The following MARVELD2 variants were observed in gnomAD, a reference collection of about 807,000 sequenced individuals.
The protein encoded by MARVELD2 is MARVEL domain-containing protein 2.
Under a neutral mutation model 57.6 loss-of-function variants are expected in MARVELD2, and 49 were observed. The ratio of observed to expected loss-of-function variants is 0.85; its 90% confidence interval spans 0.68 to 1.08. The LOEUF (loss-of-function observed/expected upper bound fraction) is 1.08, where lower values mean the gene tolerates loss of function less well. Ranked by LOEUF, MARVELD2 falls within the 50% of genes least tolerant of loss-of-function variation. The pLI, the probability that MARVELD2 is intolerant of heterozygous loss-of-function variation, is 0.00. For missense variants in MARVELD2, 606 were observed against 701.1 expected (o/e 0.86, Z 1.53); for synonymous variants, 238 against 258.8 (o/e 0.92, Z 0.77).
At chr5:69,427,515 A>C (rs1292658311) in intron 3 of MARVELD2, among the ~76,000 whole-genome samples, 1 of 152,006 alleles carries the variant, frequency 6.6e-6, no homozygotes, top group Non-Finnish European at 1.5e-5. Context: ...GGTTCAAGCA[A>C]TTGTCCTGCC....
In MARVELD2 at chr5:69,420,168, A is replaced by C. The variant is rs751921175; in HGVS notation, c.783A>C (p.Gly261=). 1.2e-6 allele frequency: 2 copies of C among 1,614,138 alleles called. No homozygotes were observed. The highest frequency in any genetic ancestry group is 2.2e-5 in the South Asian group (2 of 91,072). ...CCCCTTTTGTACTCGTGGTTGCTGG[A>C]TTAGCTTGGATCACCACCATTATTA... The part of the protein sequence containing the change: ...PKTPFVLVVA[G]LAWITTIIIL... The change falls in exon 2 of 7, where the codon GGA becomes GGC. Residue 261 remains glycine (G), a synonymous_variant. Transcript: ENST00000325631.
chr5:69,442,243 C>T lies in MARVELD2; in HGVS notation c.*589C>T, dbSNP rs1167805666. The T allele has an allele frequency of 6.6e-6, 1 of 152,136 alleles. No individual in the cohort carries two copies. The highest frequency in any genetic ancestry group is 2.4e-5 in the African/African-American group (1 of 41,416). The allele number at this position is 152,136 out of a possible 1,614,324, so 9.4% of individuals were successfully genotyped here. A position where few individuals can be genotyped will look rare whatever the true frequency, so the allele number is the denominator to read the frequency against. ...TGGTGCTACTTTTTCCTTTTTTACT[C>T]AGGCAGGTTCCTAGGATTTTTCTGG... On this transcript the variant is annotated 3_prime_UTR_variant, in exon 7 of 7. Transcript: ENST00000325631.
chr5:69,419,290 T>C, intron 1 of MARVELD2, 81 bp from the exon 2 acceptor site: 1 of 1,380,934 alleles, frequency 7.2e-7, no homozygotes, highest in South Asian at 1.2e-5. Flanking sequence ...CTAAATACTT[T>C]TTGCTACTAC....
chr5:69,419,692 G>T lies in MARVELD2; in HGVS notation c.307G>T (p.Val103Leu). 1 of 1,614,140 alleles carries T rather than the reference G, an allele frequency of 6.2e-7. No homozygotes were observed. The highest frequency in any genetic ancestry group is 8.5e-7 in the Non-Finnish European group (1 of 1,180,036). The part of the protein sequence containing the change: ...KKKDPEWDKP[V>L]SDIRYISDGV... ...AAAGGACCCCGAATGGGATAAGCCGGTGTCTGATATCAGGTACATCTCCGA... is the reference window on the plus strand; with the variant it reads ...AAAGGACCCCGAATGGGATAAGCCGTTGTCTGATATCAGGTACATCTCCGA... Residue 103 changes from valine (V) to leucine (L), a missense_variant, in exon 2 of 7, where the codon GTG becomes TTG. Coordinates refer to ENST00000325631, the MANE Select transcript of MARVELD2 (RefSeq NM_001038603.3).
intron 1 of MARVELD2, chr5:69,415,435 C>T (rs1432089745): frequency 1.6e-4 from 24 of 152,188 alleles, no homozygotes; most frequent in Admixed American, 1.6e-3. Flanking sequence ...CCTGGGAGGT[C>T]TCCCGGCTTA....
In MARVELD2 at chr5:69,419,969, T is replaced by C. The variant is rs1354330857; in HGVS notation, c.584T>C (p.Ile195Thr). ...YMKSWAGLLR[I>T]LGVVELLLGA... Reference sequence around the variant, plus strand: ...AAGTCGTGGGCAGGCCTGCTGAGAATACTGGGTGTGGTGGAGCTGCTTTTG... The same window carrying C: ...AAGTCGTGGGCAGGCCTGCTGAGAACACTGGGTGTGGTGGAGCTGCTTTTG... The change falls in exon 2 of 7, where the codon ATA (isoleucine) becomes ACA (threonine). Residue 195 changes from isoleucine (I) to threonine (T), a missense_variant. By Grantham distance (89) the Ile-to-Thr change is moderately conservative. Coordinates refer to ENST00000325631, the MANE Select transcript of MARVELD2 (RefSeq NM_001038603.3). 1 of 1,614,036 alleles carries C rather than the reference T, an allele frequency of 6.2e-7. No individual in the cohort carries two copies. The highest frequency in any genetic ancestry group is 2.2e-5 in the East Asian group (1 of 44,894).
At chr5:69,425,000 G>A (rs768132290) in intron 3 of MARVELD2, among the ~76,000 whole-genome samples, 35 of 150,314 alleles carry the variant, frequency 2.3e-4, no homozygotes, top group Non-Finnish European at 4.4e-4. Flanking sequence ...ACTCCAGCCT[G>A]GGTGACAGAG....
At chr5:69,440,644 C>T in intron 6 of MARVELD2, 144 bp downstream of exon 6, 3 of 601,354 alleles carry the variant, frequency 5.0e-6, no homozygotes, top group Non-Finnish European at 9.2e-6. Context: ...TGCTGGATGC[C>T]ATTTCTTCTC....
rs772209957 is a variant in MARVELD2 at position 69,419,442 on chromosome 5, C to T, written c.57C>T (p.Ser19=). 28 of 1,614,022 alleles carry T rather than the reference C, an allele frequency of 1.7e-5. No individual in the cohort carries two copies. The highest frequency in any genetic ancestry group is 6.7e-5 in the Admixed American group (4 of 59,982). ...NRDRRYDEVP[S]DLPYQDTTIR... is the part of the protein sequence containing the mutation. Reference sequence around the variant, plus strand: ...ACAGGCGCTACGATGAGGTCCCAAGCGACCTGCCCTATCAAGATACCACCA... The same window carrying T: ...ACAGGCGCTACGATGAGGTCCCAAGTGACCTGCCCTATCAAGATACCACCA... Residue 19 remains serine, a synonymous_variant, in exon 2 of 7, where the codon AGC becomes AGT. Transcript: ENST00000325631.
At position 69,432,963 on chromosome 5, in the gene MARVELD2, A is replaced by C. The variant is rs1767012320; in HGVS notation, c.1373A>C (p.Tyr458Ser). Residue 458 changes from tyrosine to serine, a missense_variant, in exon 5 of 7, where the codon TAT becomes TCT. Tyr to Ser is a moderately radical substitution (Grantham distance 144). Transcript: ENST00000325631. The part of the protein sequence containing the change: ...VIQTDDERER[Y>S]KAVFQDQFSE... ...CAGACAGATGATGAGCGAGAACGCT[A>C]TAAAGCTGTGTTCCAAGACCAGTTT... The C allele has an allele frequency of 1.2e-6, 2 of 1,614,078 alleles. No homozygotes were observed. Among genetic ancestry groups the C allele is most frequent in the Non-Finnish European group, 8.5e-7 (1 of 1,180,046 alleles).
At chr5:69,435,561 CT>C (rs1767106948) in intron 5 of MARVELD2, among the ~76,000 whole-genome samples, 1 of 151,386 alleles carries the variant, frequency 6.6e-6, no homozygotes. Context: ...CGAGACCAGC[CT>C]GGCCAACATG....
At chr5:69,440,338 C>G (rs1307724609) in intron 5 of MARVELD2, 112 bp from the exon 6 acceptor site, 1 of 610,354 alleles carries the variant, frequency 1.6e-6, no homozygotes, top group African/African-American at 1.9e-5. Flanking sequence ...TGAATGTTTT[C>G]ATTATTTTCT....
intron 2 of MARVELD2, among the ~76,000 whole-genome samples, chr5:69,423,407 A>G (rs902414783): frequency 6.6e-6 from 1 of 151,202 alleles, no homozygotes; most frequent in Non-Finnish European, 1.5e-5. Context: ...GCAGGCATAC[A>G]CCACCACACC....
intron 2 of MARVELD2, among the ~76,000 whole-genome samples, chr5:69,423,549 G>A (rs1473007184): frequency 6.6e-6 from 1 of 151,516 alleles, no homozygotes; most frequent in Admixed American, 6.6e-5. Flanking sequence ...ATAAGCCACT[G>A]TGCTTGATGG....
chr5:69,422,125 C>CA (rs1766648268), intron 2 of MARVELD2, among the ~76,000 whole-genome samples: 2 of 152,032 alleles, frequency 1.3e-5, no homozygotes, highest in Non-Finnish European at 2.9e-5. Flanking sequence ...TATGTTGCCT[C>CA]AGGACCGTGT....
At chr5:69,435,768 A>T (rs1767116597) in intron 5 of MARVELD2, among the ~76,000 whole-genome samples, 1 of 151,428 alleles carries the variant, frequency 6.6e-6, no homozygotes, top group Admixed American at 6.6e-5. Flanking sequence ...AAAAAAAAAA[A>T]AAAAAAAAAA....
chr5:69,432,545 G>T lies in MARVELD2; in HGVS notation c.1201G>T (p.Gly401Cys). ...KRKMCEMATS[G>C]DRQRDSEVNF... The stretch of plus-strand genomic sequence containing the variant: ...ACTGCAGTGTGAAATGGCCACCAGT[G>T]GTGACAGACAAAGAGACTCAGAAGT... Residue 401 changes from glycine (G) to cysteine (C), a missense_variant, in exon 4 of 7, where the codon GGT becomes TGT. Physicochemically the swap from Gly to Cys is radical, Grantham distance 159 (BLOSUM62 -3). Coordinates refer to ENST00000325631, the MANE Select transcript of MARVELD2 (RefSeq NM_001038603.3). 3 of 1,614,138 alleles carry T rather than the reference G, an allele frequency of 1.9e-6. No individual in the cohort carries two copies. Among genetic ancestry groups the T allele is most frequent in the Non-Finnish European group, 2.5e-6 (3 of 1,180,020 alleles).
intron 3 of MARVELD2, among the ~76,000 whole-genome samples, chr5:69,427,970 G>A (rs1272324640): frequency 6.6e-6 from 1 of 152,118 alleles, no homozygotes; most frequent in African/African-American, 2.4e-5. Flanking sequence ...AAATTAGCCA[G>A]GCATGGTGGT....
At chr5:69,427,948 C>T (rs186246852) in intron 3 of MARVELD2, among the ~76,000 whole-genome samples, 103 of 152,096 alleles carry the variant, frequency 6.8e-4, no homozygotes, top group Non-Finnish European at 1.0e-3. Context: ...CCCATTTCTA[C>T]TAAAAATACA....
Sources: allele counts gnomAD v4.1 joint callset (sites outside exome capture counted in the v4.1 genomes callset), GRCh38; gene constraint gnomAD v4.1.1; transcripts MANE v1.5; gene names NCBI Gene and HGNC (gene_info 2026-07-23, HGNC 2026-07-21).